STX3: variants seen among roughly 807,000 people sequenced by gnomAD.
STX3 encodes syntaxin-3.
Under a neutral mutation model 40.2 loss-of-function variants are expected in STX3, and 19 were observed. That is an observed-to-expected ratio of 0.47 (90% CI 0.33 to 0.69). The LOEUF is 0.69. Ranked by LOEUF, STX3 falls within the 30% of genes least tolerant of loss-of-function variation. The pLI, the probability that STX3 is intolerant of heterozygous loss-of-function variation, is 0.02. For missense variants in STX3, 364 were observed against 366.7 expected (o/e 0.99, Z 0.06); for synonymous variants, 122 against 132.2 (o/e 0.92, Z 0.53).
chr11:59,790,689 C>G (rs1865086113), intron 5 of STX3, 103 bp downstream of exon 5: 2 of 865,292 alleles, frequency 2.3e-6, no homozygotes, highest in Admixed American at 2.4e-5. Context: ...TATTTTGAAA[C>G]TCAATTTGAA....
At chr11:59,773,320 C>A in intron 2 of STX3, 26 bp downstream of exon 2, 1 of 1,609,566 alleles carries the variant, frequency 6.2e-7, no homozygotes, top group Non-Finnish European at 8.5e-7. Flanking sequence ...GTATTTTTTT[C>A]TAAATGTACA....
chr11:59,802,771 TCAG>T lies in STX3; in HGVS notation c.*1948_*1950del. On this transcript the variant is annotated 3_prime_UTR_variant, in exon 11 of 11. Transcript: ENST00000337979. ...GGTGCCACCATGTGGTGATTTTTAT[TCAG>T]GTTTTAGAATGCAGTTCACACCTTT... 4 of 986,250 alleles carry T rather than the reference TCAG, an allele frequency of 4.1e-6. No homozygotes were observed. Among genetic ancestry groups the T allele is most frequent in the Non-Finnish European group, 4.8e-6 (4 of 830,376 alleles). 61.1% of individuals were successfully genotyped at this position (986,250 alleles called of 1,614,324 possible).
intron 1 of STX3, among the ~76,000 whole-genome samples, chr11:59,756,169 C>A (rs1048490777): frequency 6.6e-6 from 1 of 152,106 alleles, no homozygotes; most frequent in African/African-American, 2.4e-5. Context: ...CATTGTCCCC[C>A]CCTCCCCCGC....
At chr11:59,786,530 A>G (rs992535264) in intron 2 of STX3, among the ~76,000 whole-genome samples, 7 of 151,656 alleles carry the variant, frequency 4.6e-5, no homozygotes, top group African/African-American at 1.5e-4. Flanking sequence ...GATTACAGGC[A>G]TGAACCACCG....
chr11:59,793,219 GA>G, intron 7 of STX3, 47 bp downstream of exon 7: 1 of 1,610,542 alleles, frequency 6.2e-7, no homozygotes, highest in Non-Finnish European at 8.5e-7. Flanking sequence ...CGTGAGCAGG[GA>G]GGCCACTGCG....
At chr11:59,787,015 G>T in intron 2 of STX3, 22 bp from the exon 3 acceptor site, 1 of 1,602,576 alleles carries the variant, frequency 6.2e-7, no homozygotes, top group Non-Finnish European at 8.5e-7. Context: ...GATGATGAAG[G>T]TTATTGTCTT....
intron 9 of STX3, among the ~76,000 whole-genome samples, chr11:59,796,089 C>G (rs1865504062): frequency 6.6e-6 from 1 of 152,218 alleles, no homozygotes; most frequent in African/African-American, 2.4e-5. Context: ...AGCTCCGCCT[C>G]CCTTCTCTTT....
chr11:59,778,133 A>G (rs1335206008), intron 2 of STX3, among the ~76,000 whole-genome samples: 1 of 152,148 alleles, frequency 6.6e-6, no homozygotes, highest in Non-Finnish European at 1.5e-5. Context: ...GTTACATAGC[A>G]CATCACTTCT....
At chr11:59,794,393 T>A (rs958397216) in intron 8 of STX3, among the ~76,000 whole-genome samples, 5 of 152,204 alleles carry the variant, frequency 3.3e-5, no homozygotes, top group African/African-American at 9.6e-5. Flanking sequence ...ACACTTGGGA[T>A]AGGAGAGAAA....
chr11:59,755,462 G>GC lies in STX3; in HGVS notation c.-142dup. 9.9e-7 allele frequency: 1 copy of GC among 1,011,226 alleles called. No individual in the cohort carries two copies. Among genetic ancestry groups the GC allele is most frequent in the Non-Finnish European group, 1.3e-6 (1 of 752,656 alleles). 62.6% of individuals were successfully genotyped at this position (1,011,226 alleles called of 1,614,324 possible). A position where few individuals can be genotyped will look rare whatever the true frequency, so the allele number is the denominator to read the frequency against. On this transcript the variant is annotated 5_prime_UTR_variant, in exon 1 of 11. Transcript: ENST00000337979. ...CCTCGGACGCTCCTCCTAGCTAGCG[G>GC]CCGCCGCCCGCCGCCGCCTGCGCCT...
intron 2 of STX3, among the ~76,000 whole-genome samples, chr11:59,779,352 G>A (rs1276854939): frequency 2.6e-5 from 4 of 152,174 alleles, no homozygotes; most frequent in Admixed American, 6.5e-5. Flanking sequence ...GGTGGAAAGA[G>A]CAAGCTAGCT....
Position 59,804,714 on chromosome 11 carries a change from AT to A in STX3, c.*3891del, listed in dbSNP as rs1307811347. On this transcript the variant is annotated 3_prime_UTR_variant, in exon 11 of 11. Transcript: ENST00000337979. ...TCCAGGACTGTGGTTCAATAACGAA[AT>A]ACAGGCCCACAAAATAAAATAGGTT... The A allele has an allele frequency of 6.6e-6, 1 of 152,222 alleles. No homozygotes were observed. Among genetic ancestry groups the A allele is most frequent in the Non-Finnish European group, 1.5e-5 (1 of 68,050 alleles). 9.4% of individuals were successfully genotyped at this position (152,222 alleles called of 1,614,324 possible). A position where few individuals can be genotyped will look rare whatever the true frequency, so the allele number is the denominator to read the frequency against.
chr11:59,780,273 C>T (rs1244612019), intron 2 of STX3, among the ~76,000 whole-genome samples: 3 of 152,112 alleles, frequency 2.0e-5, no homozygotes, highest in Admixed American at 6.5e-5. Context: ...GTCATGAGGG[C>T]GAATTAGTAC....
chr11:59,787,757 A>G (rs968489160), intron 3 of STX3, among the ~76,000 whole-genome samples: 2 of 152,240 alleles, frequency 1.3e-5, no homozygotes, highest in Non-Finnish European at 2.9e-5. Flanking sequence ...AGGTTTGTGC[A>G]TAATTTTCCT....
At chr11:59,799,774 A>G in intron 10 of STX3, 1 of 985,432 alleles carries the variant, frequency 1.0e-6, no homozygotes, top group African/African-American at 1.7e-5. Flanking sequence ...AAGATAAGCA[A>G]CAGTGAGATG....
chr11:59,766,641 G>T (rs1863299025), intron 1 of STX3, among the ~76,000 whole-genome samples: 1 of 152,158 alleles, frequency 6.6e-6, no homozygotes, highest in Non-Finnish European at 1.5e-5. Context: ...AACAAATGTT[G>T]TCCCCAAAGG....
intron 2 of STX3, among the ~76,000 whole-genome samples, chr11:59,784,823 C>T (rs1476982556): frequency 1.3e-5 from 2 of 152,036 alleles, no homozygotes; most frequent in South Asian, 2.1e-4. Context: ...AGATTTGGGT[C>T]GGGACACAGA....
intron 9 of STX3, 76 bp from the exon 10 acceptor site, chr11:59,797,207 G>T: frequency 3.6e-6 from 4 of 1,106,594 alleles, no homozygotes; most frequent in South Asian, 1.3e-5. Flanking sequence ...GGTGACAGGG[G>T]TTAGGTTTTG....
intron 1 of STX3, among the ~76,000 whole-genome samples, chr11:59,756,939 G>A (rs1862744161): frequency 6.6e-6 from 1 of 152,228 alleles, no homozygotes; most frequent in Non-Finnish European, 1.5e-5. Flanking sequence ...TTGCTTGGAT[G>A]AGACCTTCAT....
Sources: allele counts gnomAD v4.1 joint callset (sites outside exome capture counted in the v4.1 genomes callset), GRCh38; gene constraint gnomAD v4.1.1; transcripts MANE v1.5; gene names NCBI Gene and HGNC (gene_info 2026-07-23, HGNC 2026-07-21).